The following STK33 variants were observed in gnomAD, a reference collection of about 807,000 sequenced individuals.
STK33 encodes the protein serine/threonine-protein kinase 33.
Under a neutral mutation model 58.0 loss-of-function variants are expected in STK33, and 52 were observed. That is an observed-to-expected ratio of 0.90 (90% CI 0.72 to 1.13). STK33 has a LOEUF of 1.13. Among genes scored for constraint, STK33 ranks in the 50% most tolerant of loss-of-function variants. STK33 has a pLI of 0.00. For missense variants in STK33, 630 were observed against 604.2 expected (o/e 1.04, Z -0.45); for synonymous variants, 215 against 200.1 (o/e 1.07, Z -0.63).
intron 1 of STK33, among the ~76,000 whole-genome samples, chr11:8,528,522 T>C (rs1266012389): frequency 6.6e-6 from 1 of 152,244 alleles, no homozygotes; most frequent in Non-Finnish European, 1.5e-5. Flanking sequence ...TTTTCAACCA[T>C]GGCCCAAATA....
At chr11:8,385,935 C>T in the STK33 span, among the ~76,000 whole-genome samples, 5 of 152,112 alleles carry the variant, frequency 3.3e-5, no homozygotes, top group South Asian at 4.2e-4. Context: ...CCACCACGCC[C>T]GGCTAATTTT....
At chr11:8,482,627 C>G (rs12806736) in intron 1 of STK33, among the ~76,000 whole-genome samples, 59,802 of 151,948 alleles carry the variant, frequency 0.39, 12,057 homozygotes, top group South Asian at 0.56. Context: ...TGAGAGATAC[C>G]AGGGTTTGAA....
chr11:8,485,333 C>T (rs1400862955), intron 1 of STK33, among the ~76,000 whole-genome samples: 1 of 152,148 alleles, frequency 6.6e-6, no homozygotes, highest in Non-Finnish European at 1.5e-5. Flanking sequence ...TATACTTTTA[C>T]ACAGGCCTTC....
the STK33 span, among the ~76,000 whole-genome samples, chr11:8,337,971 A>G: frequency 6.6e-6 from 1 of 151,900 alleles, no homozygotes; most frequent in African/African-American, 2.4e-5. Flanking sequence ...CCACCGCCAC[A>G]CACTTTATCT....
chr11:8,520,026 C>G (rs1251526169), intron 1 of STK33, among the ~76,000 whole-genome samples: 1 of 152,106 alleles, frequency 6.6e-6, no homozygotes, highest in Non-Finnish European at 1.5e-5. Context: ...CAAAGCCTGG[C>G]AGAGACACAA....
chr11:8,368,654 C>A, the STK33 span, among the ~76,000 whole-genome samples: 2 of 152,268 alleles, frequency 1.3e-5, no homozygotes, highest in South Asian at 2.1e-4. Context: ...TGAAGCCCTG[C>A]CCGAGTGGCA....
intron 8 of STK33, among the ~76,000 whole-genome samples, chr11:8,457,950 G>C (rs1947076166): frequency 6.6e-6 from 1 of 152,176 alleles, no homozygotes; most frequent in Non-Finnish European, 1.5e-5. Flanking sequence ...TGGTAGGGTG[G>C]AGAACAATGA....
intron 8 of STK33, among the ~76,000 whole-genome samples, chr11:8,460,711 G>T (rs1947415922): frequency 6.6e-6 from 1 of 151,962 alleles, no homozygotes; most frequent in Non-Finnish European, 1.5e-5. Context: ...TGAAGAAAAT[G>T]ATATCAAGGC....
At chr11:8,381,512 A>T in the STK33 span, among the ~76,000 whole-genome samples, 1 of 152,128 alleles carries the variant, frequency 6.6e-6, no homozygotes, top group Admixed American at 6.5e-5. Context: ...CTGATCCCCA[A>T]ATAAGGATCC....
At chr11:8,576,213 C>T (rs538602547) in intron 1 of STK33, among the ~76,000 whole-genome samples, 21 of 152,234 alleles carry the variant, frequency 1.4e-4, no homozygotes, top group South Asian at 4.2e-4. Flanking sequence ...ACTCTCTCAC[C>T]ACCGCCACTG....
chr11:8,342,132 C>T, the STK33 span, among the ~76,000 whole-genome samples: 3 of 152,200 alleles, frequency 2.0e-5, no homozygotes, highest in African/African-American at 4.8e-5. Context: ...AAAGGCTGGA[C>T]ACCTTGCAGG....
chr11:8,554,519 A>C (rs1011110898), intron 1 of STK33, among the ~76,000 whole-genome samples: 1 of 152,150 alleles, frequency 6.6e-6, no homozygotes, highest in African/African-American at 2.4e-5. Context: ...CAATATCACT[A>C]ATTATCAGAT....
intron 1 of STK33, among the ~76,000 whole-genome samples, chr11:8,575,189 G>T (rs1388045063): frequency 6.6e-6 from 1 of 152,172 alleles, no homozygotes; most frequent in Non-Finnish European, 1.5e-5. Flanking sequence ...AAAACAGTTT[G>T]GTGGCTTCGC....
chr11:8,527,324 C>T (rs1022969352), intron 1 of STK33, among the ~76,000 whole-genome samples: 7 of 152,106 alleles, frequency 4.6e-5, no homozygotes, highest in Non-Finnish European at 8.8e-5. Context: ...TGGCTGGGCC[C>T]TGAGGCAGGG....
chr11:8,342,379 G>A, the STK33 span, among the ~76,000 whole-genome samples: 2 of 152,154 alleles, frequency 1.3e-5, no homozygotes, highest in Admixed American at 6.5e-5. Flanking sequence ...CGGAGTCTGG[G>A]TTTCTGAAAA....
chr11:8,510,581 C>T (rs772998467), intron 1 of STK33, among the ~76,000 whole-genome samples: 22 of 152,128 alleles, frequency 1.4e-4, no homozygotes, highest in Non-Finnish European at 2.6e-4. Flanking sequence ...TTGCCTAAGC[C>T]AATGTCTAGA....
At position 8,392,673 on chromosome 11, in the gene STK33, T is replaced by C. The variant is rs1848735137; in HGVS notation, c.1382A>G (p.Lys461Arg). 6.2e-7 allele frequency: 1 copy of C among 1,614,242 alleles called. No homozygotes were observed. Among genetic ancestry groups the C allele is most frequent in the Non-Finnish European group, 8.5e-7 (1 of 1,180,052 alleles). Reference sequence around the variant, plus strand: ...TGAACTGCACATATCAAAGTTGTCCTTACTGGTTGCAGGAAATTGCTTTTC... The same window carrying C: ...TGAACTGCACATATCAAAGTTGTCCCTACTGGTTGCAGGAAATTGCTTTTC... Reference protein sequence around the residue: ...AYEKQFPATSKDNFDMCSSSF... With the variant: ...AYEKQFPATSRDNFDMCSSSF... Residue 461 changes from lysine (K) to arginine (R), a missense_variant, in exon 16 of 16, where the codon AAG becomes AGG. Transcript: ENST00000687296.
intron 14 of STK33, among the ~76,000 whole-genome samples, chr11:8,428,144 A>G (rs1942994595): frequency 6.6e-6 from 1 of 152,250 alleles, no homozygotes; most frequent in Non-Finnish European, 1.5e-5. Context: ...CCTAAAGTAC[A>G]CCAAAAGTAT....
intron 1 of STK33, among the ~76,000 whole-genome samples, chr11:8,489,503 T>C (rs1950443694): frequency 6.6e-6 from 1 of 152,110 alleles, no homozygotes; most frequent in Non-Finnish European, 1.5e-5. Flanking sequence ...GTGAATATCA[T>C]CTCATGGTGG....
Sources: gnomAD v4.1 joint callset for allele counts (sites outside exome capture counted in the v4.1 genomes callset) on GRCh38, gnomAD v4.1.1 for gene constraint, MANE v1.5 for transcripts, NCBI Gene and HGNC (gene_info 2026-07-23, HGNC 2026-07-21) for gene names.